Variants in NDE1 observed in about 807,000 individuals in gnomAD.
The protein encoded by NDE1 is nuclear distribution protein nudE homolog 1.
NDE1 carries 28 observed loss-of-function variants against 43.4 expected under a neutral mutation model. The observed-to-expected ratio is 0.65, with a 90% confidence interval of 0.48 to 0.89. NDE1 has a LOEUF of 0.89. Among genes scored for constraint, NDE1 ranks in the 40% least tolerant of loss-of-function variants. The probability of loss-of-function intolerance (pLI) is 0.00; values close to 1 mark genes in which losing one functional copy is unlikely to be tolerated. For synonymous variants in NDE1, 184 were observed against 172.0 expected (o/e 1.07, Z -0.55); for missense variants, 441 against 434.1 (o/e 1.02, Z -0.14).
intron 8 of NDE1, chr16:15,720,107 G>C (rs989417917): frequency 3.1e-6 from 5 of 1,613,404 alleles, no homozygotes; most frequent in African/African-American, 2.7e-5. Context: ...GAGGGGAACT[G>C]TGCCCTCCCT....
At chr16:15,716,726 C>G (rs950104238) in intron 8 of NDE1, among the ~76,000 whole-genome samples, 9 of 152,264 alleles carry the variant, frequency 5.9e-5, no homozygotes, top group Admixed American at 5.2e-4. Context: ...GTTGGCCAGG[C>G]CGGTCTCAAA....
intron 3 of NDE1, among the ~76,000 whole-genome samples, chr16:15,677,154 C>T (rs963452837): frequency 6.6e-6 from 1 of 152,104 alleles, no homozygotes; most frequent in Non-Finnish European, 1.5e-5. Flanking sequence ...CACGTTACAT[C>T]ACTTGCCTAA....
intron 8 of NDE1, among the ~76,000 whole-genome samples, chr16:15,711,501 T>C (rs1407795540): frequency 6.6e-6 from 1 of 152,188 alleles, no homozygotes; most frequent in Non-Finnish European, 1.5e-5. Context: ...GTGATGCTGG[T>C]TTAAAAATAT....
chr16:15,707,821 A>T (rs2039538605), intron 8 of NDE1, among the ~76,000 whole-genome samples: 1 of 152,116 alleles, frequency 6.6e-6, no homozygotes, highest in African/African-American at 2.4e-5. Context: ...AAAATACAAA[A>T]ATTAGCTGGG....
chr16:15,675,923 C>T (rs550460429), intron 3 of NDE1, among the ~76,000 whole-genome samples: 2 of 152,248 alleles, frequency 1.3e-5, no homozygotes, highest in South Asian at 2.1e-4. Context: ...AGTCAGGTCA[C>T]TGAGCTTCAG....
At chr16:15,675,563 A>G (rs1007516380) in intron 3 of NDE1, among the ~76,000 whole-genome samples, 8 of 151,502 alleles carry the variant, frequency 5.3e-5, no homozygotes, top group African/African-American at 1.7e-4. Context: ...CACCCTCCCA[A>G]GTAGCTAGGA....
At chr16:15,717,012 T>C (rs971315017) in intron 8 of NDE1, 1 of 1,012,762 alleles carries the variant, frequency 9.9e-7, no homozygotes, top group Admixed American at 1.7e-5. Context: ...ATACCTGCAC[T>C]GTAGGCATCA....
intron 8 of NDE1, among the ~76,000 whole-genome samples, chr16:15,702,378 T>C (rs1452835841): frequency 6.6e-6 from 1 of 152,152 alleles, no homozygotes; most frequent in East Asian, 1.9e-4. Context: ...GCTAAAATAC[T>C]ATCTGGCTGG....
chr16:15,669,376 T>C (rs1299062614), intron 3 of NDE1, among the ~76,000 whole-genome samples: 1 of 149,988 alleles, frequency 6.7e-6, no homozygotes, highest in Non-Finnish European at 1.5e-5. Context: ...TTTTTTTTTT[T>C]TTTTGAGACG....
At chr16:15,719,283 C>G in intron 8 of NDE1, 1 of 1,612,538 alleles carries the variant, frequency 6.2e-7, no homozygotes, top group Non-Finnish European at 8.5e-7. Flanking sequence ...CGCTTGTTTG[C>G]GAGCCCTCTC....
chr16:15,670,802 C>T (rs976069785), intron 3 of NDE1, among the ~76,000 whole-genome samples: 3 of 151,992 alleles, frequency 2.0e-5, no homozygotes, highest in African/African-American at 2.4e-5. Context: ...CCATCACAGA[C>T]GTGGACAAGA....
chr16:15,717,498 C>T lies in NDE1; in HGVS notation c.948-6693C>T, dbSNP rs2040224824. 2.2e-5 allele frequency: 17 copies of T among 769,776 alleles called. No homozygotes were observed. The South Asian group carries it at 2.9e-4, about 13-fold the overall frequency. The allele number at this position is 769,776 out of a possible 1,614,324, so 47.7% of individuals were successfully genotyped here. On this transcript the variant is annotated intron_variant, in intron 8 of 8. Transcript: ENST00000396354. ...CTCCTTCATCCTGTAAAACTCCACTCAAGAGCTTCTTCCAGGCCGGGCGTG... is the reference window on the plus strand; with the variant it reads ...CTCCTTCATCCTGTAAAACTCCACTTAAGAGCTTCTTCCAGGCCGGGCGTG...
At chr16:15,699,799 G>A (rs554919084) in intron 8 of NDE1, 1 of 1,351,446 alleles carries the variant, frequency 7.4e-7, no homozygotes. Flanking sequence ...GTCAGCCCAG[G>A]GGGTAGTCAA....
upstream of NDE1, among the ~76,000 whole-genome samples, chr16:15,649,866 C>T (rs1596534364): frequency 2.0e-5 from 3 of 152,222 alleles, no homozygotes; most frequent in East Asian, 5.8e-4. Flanking sequence ...GTCTTTCCTT[C>T]TGATTTGGAG....
chr16:15,680,673 G>T (rs1393244942), intron 4 of NDE1, among the ~76,000 whole-genome samples: 1 of 152,078 alleles, frequency 6.6e-6, no homozygotes, highest in Non-Finnish European at 1.5e-5. Context: ...CCAAGTAGCT[G>T]GGATTACAGG....
At chr16:15,658,831 G>T (rs1351897397) in intron 1 of NDE1, among the ~76,000 whole-genome samples, 1 of 151,934 alleles carries the variant, frequency 6.6e-6, no homozygotes, top group Admixed American at 6.6e-5. Context: ...TAATTTTTGT[G>T]CTTTTAGTGT....
upstream of NDE1, among the ~76,000 whole-genome samples, chr16:15,649,941 GCGGCCCGCAAGCC>G (rs2036412273): frequency 6.6e-6 from 1 of 152,218 alleles, no homozygotes; most frequent in African/African-American, 2.4e-5. Flanking sequence ...CCTGAAATGC[GCGGCCCGCAAGCC>G]CAAACCCGTT....
intron 8 of NDE1, chr16:15,703,655 T>C (rs2039302230): frequency 4.6e-6 from 2 of 436,348 alleles, no homozygotes; most frequent in East Asian, 4.0e-5. Context: ...ATGATGCAAT[T>C]ATAGCTCATT....
At chr16:15,722,754 T>C (rs2040551468) in intron 8 of NDE1, among the ~76,000 whole-genome samples, 1 of 152,184 alleles carries the variant, frequency 6.6e-6, no homozygotes, top group Non-Finnish European at 1.5e-5. Context: ...TTTTATTTAT[T>C]TTTGAGACAG....
Sources: gnomAD v4.1 joint callset for allele counts (sites outside exome capture counted in the v4.1 genomes callset) on GRCh38, gnomAD v4.1.1 for gene constraint, MANE v1.5 for transcripts, NCBI Gene and HGNC (gene_info 2026-07-23, HGNC 2026-07-21) for gene names.